The following MAST1 variants were observed in gnomAD, a reference collection of about 807,000 sequenced individuals.
MAST1 encodes the protein microtubule-associated serine/threonine-protein kinase 1.
A neutral mutation model predicts 124.6 loss-of-function variants in MAST1; 40 were observed. The observed-to-expected ratio is 0.32, with a 90% CI of 0.25 to 0.42. MAST1 has a LOEUF of 0.42. MAST1 is among the 10% of genes least tolerant of loss of function. The pLI is 1.00. For synonymous variants in MAST1, 938 were observed against 939.4 expected (o/e 1.00, Z 0.03); for missense variants, 1,558 against 2,181.9 (o/e 0.71, Z 5.70).
rs1970147539 is a variant in MAST1, at chr19:12,865,860, G to C, written c.1906+42G>C. 1 of 1,603,086 alleles carries C rather than the reference G, an allele frequency of 6.2e-7. No homozygotes were observed. Among genetic ancestry groups the C allele is most frequent in the African/African-American group, 1.3e-5 (1 of 74,668 alleles). ...GAGGAGCTGAGGGCCCACTGATAGAGAGCAGGCCTCCAAAACCCCAGGCCC... is the reference window on the plus strand; with the variant it reads ...GAGGAGCTGAGGGCCCACTGATAGACAGCAGGCCTCCAAAACCCCAGGCCC... On this transcript the variant is annotated intron_variant, in intron 16 of 25. Transcript: ENST00000251472. This position sits in a 1 kb window ranked among gnomAD's most constrained non-coding sequence, Gnocchi z 7.1.
intron 22 of MAST1, among the ~76,000 whole-genome samples, chr19:12,870,020 A>G (rs1970211354): frequency 6.7e-6 from 1 of 149,186 alleles, no homozygotes; most frequent in Non-Finnish European, 1.5e-5. Context: ...TCTCTACTAA[A>G]AATACAAAAA....
At chr19:12,840,242 C>A (rs1373559173) in intron 1 of MAST1, among the ~76,000 whole-genome samples, 1 of 152,232 alleles carries the variant, frequency 6.6e-6, no homozygotes, top group African/African-American at 2.4e-5. Context: ...GAGTTTCTCA[C>A]ACACATGTCA....
chr19:12,874,860 C>A lies in MAST1; in HGVS notation c.4703C>A (p.Pro1568Gln). The A allele has an allele frequency of 6.3e-7, 1 of 1,598,294 alleles. No homozygotes were observed. The highest frequency in any genetic ancestry group is 8.5e-7 in the Non-Finnish European group (1 of 1,173,896). ...TKKGVSSPAP[P>Q]GP ...AAAGGAGTGTCCAGTCCCGCACCCCCGGGACCATAGCCAAGGGGGTCATCG... is the reference window on the plus strand; with the variant it reads ...AAAGGAGTGTCCAGTCCCGCACCCCAGGGACCATAGCCAAGGGGGTCATCG... Residue 1568 changes from proline to glutamine, a missense_variant, in exon 26 of 26, where the codon CCG (proline) becomes CAG (glutamine). Transcript: ENST00000251472. The surrounding 1 kb of genome is among the most constrained non-coding windows in gnomAD (Gnocchi z 6.6).
chr19:12,844,025 A>T (rs1471047904), intron 4 of MAST1, among the ~76,000 whole-genome samples: 1 of 152,092 alleles, frequency 6.6e-6, no homozygotes, highest in South Asian at 2.1e-4. Context: ...AAAAAAAGAC[A>T]GTTTGGGTTT....
chr19:12,862,658 C>CT (rs750956121), intron 12 of MAST1, among the ~76,000 whole-genome samples: 4,199 of 135,902 alleles, frequency 0.031, 95 homozygotes, highest in Middle Eastern at 0.055. Context: ...TTTTCTTTTC[C>CT]TTTTTTTTTT....
At chr19:12,869,880 C>G (rs937971948) in intron 22 of MAST1, among the ~76,000 whole-genome samples, 4 of 151,674 alleles carry the variant, frequency 2.6e-5, no homozygotes, top group African/African-American at 9.7e-5. Context: ...TGGTGAAACC[C>G]TGTCTCTATT....
rs1309608350 is a variant in MAST1, at chr19:12,843,580, C to A, written c.300C>A (p.Gly100=). The change falls in exon 4 of 26, where the codon GGC becomes GGA. Residue 100 remains glycine (G), a synonymous_variant. Transcript: ENST00000251472. This position sits in a 1 kb window ranked among gnomAD's most constrained non-coding sequence, Gnocchi z 4.9. ...SLASLPSSGY[G]TNTPSSTVSS... ...CCTCGCTCCCTTCATCTGGCTATGGCACCAACACGCCCAGTTCCACCGTCT... is the reference window on the plus strand; with the variant it reads ...CCTCGCTCCCTTCATCTGGCTATGGAACCAACACGCCCAGTTCCACCGTCT... 2 of 1,613,534 alleles carry A rather than the reference C, an allele frequency of 1.2e-6. No homozygotes were observed. Among genetic ancestry groups the A allele is most frequent in the Non-Finnish European group, 1.7e-6 (2 of 1,179,804 alleles).
chr19:12,867,682 C>A (rs919147289), intron 19 of MAST1, 30 bp downstream of exon 19: 1 of 1,545,868 alleles, frequency 6.5e-7, no homozygotes, highest in Non-Finnish European at 8.7e-7. Flanking sequence ...AGTTTGGGGG[C>A]GGGGTCGAAG....
chr19:12,867,170 C>A (rs1308191173), intron 18 of MAST1, among the ~76,000 whole-genome samples: 1 of 152,138 alleles, frequency 6.6e-6, no homozygotes, highest in African/African-American at 2.4e-5. Context: ...CTTGTAGAGG[C>A]GTGCAGGGCC....
intron 4 of MAST1, among the ~76,000 whole-genome samples, chr19:12,845,865 G>T (rs1179894091): frequency 6.6e-6 from 1 of 151,956 alleles, no homozygotes; most frequent in African/African-American, 2.4e-5. Context: ...CACCCTGTTG[G>T]CCAGGCTGGT....
At chr19:12,872,971 A>C (rs1452041919) in intron 24 of MAST1, among the ~76,000 whole-genome samples, 1 of 151,310 alleles carries the variant, frequency 6.6e-6, no homozygotes, top group South Asian at 2.1e-4. Context: ...AGTGGCCTAA[A>C]GTTGGGCGGG....
intron 10 of MAST1, 97 bp from the exon 11 acceptor site, chr19:12,858,265 C>T (rs1970040241): frequency 5.5e-6 from 6 of 1,084,146 alleles, no homozygotes; most frequent in South Asian, 4.4e-5. Context: ...AGGACTCTTT[C>T]ATTCTGTGCC....
In MAST1 at chr19:12,865,097, C is replaced by G. The variant is rs751848559; in HGVS notation, c.1557C>G (p.Ser519=). 2 of 1,614,144 alleles carry G rather than the reference C, an allele frequency of 1.2e-6. No homozygotes were observed. The highest frequency in any genetic ancestry group is 1.7e-6 in the Non-Finnish European group (2 of 1,180,024). The change falls in exon 14 of 26, where the codon TCC becomes TCG. Residue 519 remains serine, a synonymous_variant. Coordinates refer to ENST00000251472, the MANE Select transcript of MAST1 (RefSeq NM_014975.3). This position sits in a 1 kb window ranked among gnomAD's most constrained non-coding sequence, Gnocchi z 7.1. The part of the protein sequence containing the change: ...GHIKLTDFGL[S]KMGLMSLTTN... Reference sequence around the variant, plus strand: ...TCAAGCTCACAGATTTCGGCCTCTCCAAGATGGGGCTCATGAGCCTCACCA... The same window carrying G: ...TCAAGCTCACAGATTTCGGCCTCTCGAAGATGGGGCTCATGAGCCTCACCA...
chr19:12,866,239 G>T lies in MAST1; in HGVS notation c.2029+137G>T. 7.8e-7 allele frequency: 1 copy of T among 1,279,182 alleles called. No individual in the cohort carries two copies. The allele number at this position is 1,279,182 out of a possible 1,614,324, so 79.2% of individuals were successfully genotyped here. ...CTAGGTGCGAAGGTGGTATTTTGGT[G>T]GGGGCGGGGCCAAGTGGGGCGGGGC... On this transcript the variant is annotated intron_variant, in intron 17 of 25. Coordinates refer to ENST00000251472, the MANE Select transcript of MAST1 (RefSeq NM_014975.3). The surrounding 1 kb of genome is among the most constrained non-coding windows in gnomAD (Gnocchi z 5.2).
chr19:12,867,552 C>T lies in MAST1; in HGVS notation c.2218C>T (p.Pro740Ser), dbSNP rs1970170396. The T allele has an allele frequency of 6.2e-7, 1 of 1,613,498 alleles. No individual in the cohort carries two copies. The highest frequency in any genetic ancestry group is 8.5e-7 in the Non-Finnish European group (1 of 1,179,934). Residue 740 changes from proline to serine, a missense_variant, in exon 19 of 26, where the codon CCG (proline) becomes TCG (serine). By Grantham distance (74) the Pro-to-Ser change is moderately conservative. This residue lies in a region of MAST1 where 287 missense variants were observed against 308.0 expected (regional missense o/e 0.93). Coordinates refer to ENST00000251472, the MANE Select transcript of MAST1 (RefSeq NM_014975.3). ...AGCTGCAGGGAGCAGCAAGCGGGAG[C>T]CGAGCACCAAGGGCCCCGAGGAGAA... ...VAAAGSSKRE[P>S]STKGPEEKVA... is the part of the protein sequence containing the mutation.
At chr19:12,867,418 A>AGTG (rs1970168720) in intron 18 of MAST1, 56 bp from the exon 19 acceptor site, 1 of 1,597,848 alleles carries the variant, frequency 6.3e-7, no homozygotes, top group Non-Finnish European at 8.6e-7. Context: ...GAAGCTGATT[A>AGTG]GCTCCGGAGT....
Position 12,874,627 on chromosome 19 carries a change from G to T in MAST1, c.4470G>T (p.Thr1490=). ...TGGAGGTGGTGGAGGAGCGCACCAC[G>T]CTGAGCGGTCCTCGCTCCAAGCCCG... is the stretch of plus-strand genomic sequence containing the variant. ...WVLEVVEERT[T]LSGPRSKPAS... is the part of the protein sequence containing the mutation. Residue 1490 remains threonine (T), a synonymous_variant, in exon 26 of 26, where the codon ACG becomes ACT. Transcript: ENST00000251472. The surrounding 1 kb of genome is among the most constrained non-coding windows in gnomAD (Gnocchi z 6.6). 21 of 1,518,968 alleles carry T rather than the reference G, an allele frequency of 1.4e-5. No individual in the cohort carries two copies. The highest frequency in any genetic ancestry group is 1.9e-5 in the Non-Finnish European group (21 of 1,132,804). 94.1% of individuals were successfully genotyped at this position (1,518,968 alleles called of 1,614,324 possible). A position where few individuals can be genotyped will look rare whatever the true frequency, so the allele number is the denominator to read the frequency against.
At chr19:12,860,367 C>T (rs531554817) in intron 12 of MAST1, among the ~76,000 whole-genome samples, 6 of 151,868 alleles carry the variant, frequency 4.0e-5, no homozygotes, top group Non-Finnish European at 5.9e-5. Flanking sequence ...CCGCCCACCT[C>T]GGCCTCCCAA....
chr19:12,860,907 C>T (rs1337756756), intron 12 of MAST1, among the ~76,000 whole-genome samples: 3 of 152,098 alleles, frequency 2.0e-5, no homozygotes, highest in East Asian at 1.9e-4. Flanking sequence ...AGTCACTCAA[C>T]GAACACCTCC....
Sources: allele counts gnomAD v4.1 joint callset (sites outside exome capture counted in the v4.1 genomes callset), GRCh38; gene constraint gnomAD v4.1.1; regional missense constraint gnomAD v4.1.1; non-coding constraint Gnocchi (gnomAD v3.1); transcripts MANE v1.5; gene names NCBI Gene and HGNC (gene_info 2026-07-23, HGNC 2026-07-21).